CRADD: variants seen among roughly 807,000 people sequenced by gnomAD.
CRADD encodes the protein CARD and death domain containing adaptor protein, also known as death domain-containing protein CRADD.
A neutral mutation model predicts 15.5 loss-of-function variants in CRADD; 9 were observed. The ratio of observed to expected loss-of-function variants is 0.58; its 90% CI spans 0.35 to 1.01. The LOEUF (loss-of-function observed/expected upper bound fraction) is 1.01, where lower values mean the gene tolerates loss of function less well. Ranked by LOEUF, CRADD falls within the 50% of genes least tolerant of loss-of-function variation. The pLI is 0.02. For synonymous variants in CRADD, 118 were observed against 107.6 expected (o/e 1.10, Z -0.60); for missense variants, 227 against 250.3 (o/e 0.91, Z 0.63).
chr12:93,825,825 A>G (rs1252271259), intron 2 of CRADD, among the ~76,000 whole-genome samples: 1 of 152,226 alleles, frequency 6.6e-6, no homozygotes, highest in East Asian at 1.9e-4. Flanking sequence ...CTTTGATGCC[A>G]CAGAGGAAGA....
chr12:93,836,711 T>C (rs1388513095), intron 2 of CRADD, among the ~76,000 whole-genome samples: 1 of 152,266 alleles, frequency 6.6e-6, no homozygotes, highest in Non-Finnish European at 1.5e-5. Flanking sequence ...TATGTTATCA[T>C]TGTAATGAAT....
chr12:93,847,781 G>T (rs1036449691), intron 2 of CRADD, among the ~76,000 whole-genome samples: 10 of 152,170 alleles, frequency 6.6e-5, no homozygotes, highest in African/African-American at 2.4e-4. Flanking sequence ...AAGTGGAGAG[G>T]AAATGTAAAG....
intron 2 of CRADD, among the ~76,000 whole-genome samples, chr12:93,755,871 A>G (rs546872196): frequency 1.3e-5 from 2 of 152,228 alleles, no homozygotes; most frequent in Non-Finnish European, 2.9e-5. Flanking sequence ...TTTAAAGATT[A>G]AGGTACAGAT....
intron 2 of CRADD, among the ~76,000 whole-genome samples, chr12:93,882,684 G>A (rs758695477): frequency 6.6e-5 from 10 of 152,006 alleles, no homozygotes; most frequent in Admixed American, 2.0e-4. Flanking sequence ...CTGATTTAAC[G>A]TTTTTGAACT....
intron 2 of CRADD, among the ~76,000 whole-genome samples, chr12:93,700,647 G>C (rs1351193599): frequency 1.3e-5 from 2 of 152,146 alleles, no homozygotes; most frequent in Non-Finnish European, 2.9e-5. Flanking sequence ...AGCCAGGCTG[G>C]TCTCGATCTC....
chr12:93,710,930 C>T (rs1372879214), intron 2 of CRADD, among the ~76,000 whole-genome samples: 1 of 151,866 alleles, frequency 6.6e-6, no homozygotes, highest in Non-Finnish European at 1.5e-5. Context: ...TTATTTGAAC[C>T]CTTTGGTTTT....
chr12:93,710,345 C>CTTTTTT (rs34912218), intron 2 of CRADD, among the ~76,000 whole-genome samples: 1 of 128,290 alleles, frequency 7.8e-6, no homozygotes, highest in African/African-American at 2.9e-5. Context: ...TTTCCTTTTC[C>CTTTTTT]TTTTTTTTTT....
chr12:93,893,813 G>A (rs569065272), intron 2 of CRADD, among the ~76,000 whole-genome samples: 1 of 152,074 alleles, frequency 6.6e-6, no homozygotes, highest in African/African-American at 2.4e-5. Context: ...GGCTGAGGCA[G>A]GAGAATCACC....
At chr12:93,876,208 T>G (rs955030951) in intron 2 of CRADD, among the ~76,000 whole-genome samples, 12 of 152,320 alleles carry the variant, frequency 7.9e-5, no homozygotes, top group African/African-American at 2.9e-4. Flanking sequence ...CTCCATTGTA[T>G]GTTATTTGTT....
At chr12:93,685,707 A>T (rs73357725) in intron 2 of CRADD, among the ~76,000 whole-genome samples, 6,158 of 152,316 alleles carry the variant, frequency 0.04, 388 homozygotes, top group African/African-American at 0.14. Context: ...CTATAAAAAA[A>T]TAGGCCAGGC....
intron 2 of CRADD, among the ~76,000 whole-genome samples, chr12:93,725,342 G>A: frequency 6.6e-6 from 1 of 152,112 alleles, no homozygotes; most frequent in Middle Eastern, 3.2e-3. Flanking sequence ...CTGTTGCCCA[G>A]TTGTCACCAA....
At chr12:93,694,601 C>A (rs555536559) in intron 2 of CRADD, among the ~76,000 whole-genome samples, 1 of 152,148 alleles carries the variant, frequency 6.6e-6, no homozygotes, top group African/African-American at 2.4e-5. Context: ...ACTATTAGAA[C>A]TAATAAATTT....
intron 2 of CRADD, among the ~76,000 whole-genome samples, chr12:93,679,304 G>A (rs1955233102): frequency 6.6e-6 from 1 of 152,030 alleles, no homozygotes; most frequent in Admixed American, 6.5e-5. Flanking sequence ...ACCATGCCCT[G>A]CTAAGTTTTG....
intron 2 of CRADD, among the ~76,000 whole-genome samples, chr12:93,688,486 C>A (rs1454748290): frequency 6.7e-6 from 1 of 149,906 alleles, no homozygotes; most frequent in Non-Finnish European, 1.5e-5. Flanking sequence ...CAGAGTGAGA[C>A]CCTGTCTCAA....
At chr12:93,738,127 G>A (rs1956608601) in intron 2 of CRADD, 4 of 587,532 alleles carry the variant, frequency 6.8e-6, no homozygotes, top group Middle Eastern at 2.8e-4. Context: ...TTTGCAAAGG[G>A]CAGTCATGTT....
chr12:93,691,346 C>T (rs1001158422), intron 2 of CRADD, among the ~76,000 whole-genome samples: 6 of 151,792 alleles, frequency 4.0e-5, no homozygotes, highest in African/African-American at 7.3e-5. Flanking sequence ...CTCCGCCTCC[C>T]GGGTTCAAGC....
chr12:93,851,569 CTGTTAAT>C (rs1193980581), downstream of CRADD, among the ~76,000 whole-genome samples: 1 of 152,200 alleles, frequency 6.6e-6, no homozygotes, highest in Non-Finnish European at 1.5e-5. Flanking sequence ...GAAATGGTAG[CTGTTAAT>C]TTGCCGCCAC....
intron 2 of CRADD, among the ~76,000 whole-genome samples, chr12:93,694,317 C>T (rs1400422528): frequency 6.6e-6 from 1 of 152,058 alleles, no homozygotes; most frequent in Non-Finnish European, 1.5e-5. Flanking sequence ...AAGGAATATA[C>T]TTCAACACAA....
chr12:93,796,984 C>T (rs2136992205), intron 2 of CRADD, among the ~76,000 whole-genome samples: 1 of 152,320 alleles, frequency 6.6e-6, no homozygotes, highest in South Asian at 2.1e-4. Context: ...GCAGCTGCTT[C>T]CTCCACTGGG....
Sources: allele counts gnomAD v4.1 joint callset (sites outside exome capture counted in the v4.1 genomes callset), GRCh38; gene constraint gnomAD v4.1.1; transcripts MANE v1.5; gene names NCBI Gene and HGNC (gene_info 2026-07-23, HGNC 2026-07-21).